The following SCAPER variants were observed in gnomAD, a reference collection of about 807,000 sequenced individuals.
SCAPER encodes S phase cyclin A-associated protein in the endoplasmic reticulum.
Under a neutral mutation model 182.2 loss-of-function variants are expected in SCAPER, and 98 were observed. That is an observed-to-expected ratio of 0.54 (90% CI 0.46 to 0.64). SCAPER has a LOEUF of 0.64. Among genes scored for constraint, SCAPER ranks in the 30% least tolerant of loss-of-function variants. The pLI, the probability that SCAPER is intolerant of heterozygous loss-of-function variation, is 0.00. For synonymous variants in SCAPER, 605 were observed against 564.6 expected, an observed-to-expected ratio of 1.07 and a Z score of -1.01; for missense variants, 1,432 against 1,690.0, an observed-to-expected ratio of 0.85 and a Z score of 2.68.
At chr15:76,860,069 C>T (rs1043021986) in intron 3 of SCAPER, among the ~76,000 whole-genome samples, 1 of 152,098 alleles carries the variant, frequency 6.6e-6, no homozygotes, top group Non-Finnish European at 1.5e-5. Flanking sequence ...TAAAATTGTA[C>T]TGGCCAATTA....
intron 1 of SCAPER, among the ~76,000 whole-genome samples, chr15:76,893,029 G>A (rs969396716): frequency 6.6e-6 from 1 of 152,158 alleles, no homozygotes; most frequent in Non-Finnish European, 1.5e-5. Context: ...CAGGTACATG[G>A]ATAAAGCTGG....
chr15:76,480,035 G>A (rs918848496), intron 24 of SCAPER, among the ~76,000 whole-genome samples: 1 of 152,112 alleles, frequency 6.6e-6, no homozygotes, highest in Non-Finnish European at 1.5e-5. Context: ...AGCCTGATAC[G>A]GATAAATGTA....
At chr15:76,711,808 T>C (rs1437190872) in intron 17 of SCAPER, among the ~76,000 whole-genome samples, 1 of 152,132 alleles carries the variant, frequency 6.6e-6, no homozygotes, top group Admixed American at 6.6e-5. Context: ...TGTAAATTTG[T>C]TTGAGTTCAT....
intron 22 of SCAPER, among the ~76,000 whole-genome samples, chr15:76,596,300 G>A (rs1487276741): frequency 9.7e-6 from 1 of 102,864 alleles, no homozygotes; most frequent in Admixed American, 1.3e-4. Flanking sequence ...TTCTGAAATT[G>A]AGGCAGTAAT....
chr15:76,576,876 C>G (rs1326459244), intron 22 of SCAPER: 2 of 152,164 alleles, frequency 1.3e-5, no homozygotes, highest in African/African-American at 4.8e-5. Flanking sequence ...AGCGGGGAAT[C>G]GCCCATCCTA....
At chr15:76,794,674 C>G (rs928615763) in intron 8 of SCAPER, among the ~76,000 whole-genome samples, 1 of 152,128 alleles carries the variant, frequency 6.6e-6, no homozygotes, top group Non-Finnish European at 1.5e-5. Flanking sequence ...TCATTATTAC[C>G]TATTATCATT....
At chr15:76,566,176 T>G (rs956247967) in intron 23 of SCAPER, among the ~76,000 whole-genome samples, 3 of 152,172 alleles carry the variant, frequency 2.0e-5, no homozygotes, top group African/African-American at 7.2e-5. Context: ...GTCACAACAG[T>G]TGGCAAAAAG....
At chr15:76,585,634 A>G (rs931084919) in intron 22 of SCAPER, among the ~76,000 whole-genome samples, 6 of 152,220 alleles carry the variant, frequency 3.9e-5, no homozygotes, top group Admixed American at 1.3e-4. Flanking sequence ...CACAGAATAC[A>G]AGAGGCTTGT....
At chr15:76,825,836 C>A (rs558890818) in intron 5 of SCAPER, among the ~76,000 whole-genome samples, 1 of 152,310 alleles carries the variant, frequency 6.6e-6, no homozygotes, top group East Asian at 1.9e-4. Flanking sequence ...CCTCTCCCTC[C>A]TGGGTTTAAG....
chr15:76,838,966 G>A (rs1355273444), intron 5 of SCAPER, among the ~76,000 whole-genome samples: 1 of 152,164 alleles, frequency 6.6e-6, no homozygotes, highest in Non-Finnish European at 1.5e-5. Context: ...AACTCCCCCA[G>A]CCCACCCTAG....
In SCAPER at chr15:76,893,684, TAAC is replaced by T. The variant is rs1180747804; in HGVS notation, c.-59-9811_-59-9809del. ...ATATGTTAGGCCACAAAATAAGTCT[TAAC>T]AAATCCAAGAAGATTTAAATGATAT... On this transcript the variant is annotated intron_variant, in intron 1 of 31. Coordinates refer to ENST00000563290, the MANE Select transcript of SCAPER (RefSeq NM_020843.4). Among the ~76,000 whole-genome samples, 4 of 152,192 alleles carry T rather than the reference TAAC, an allele frequency of 2.6e-5. No homozygotes were observed. In the East Asian group the frequency reaches 7.7e-4, roughly 29 times the overall value.
chr15:76,689,051 T>C lies in SCAPER; in HGVS notation c.2508+12707A>G, dbSNP rs112005186. Among the ~76,000 whole-genome samples, 299 of 152,054 alleles carry C rather than the reference T, an allele frequency of 2.0e-3. 3 individuals carry two copies. The highest frequency in any genetic ancestry group is 6.5e-3 in the African/African-American group (270 of 41,456). On this transcript the variant is annotated intron_variant, in intron 20 of 31. Transcript: ENST00000563290. ...TTTTAGTAGAGACAGGGTTTCACCA[T>C]GTTAGCCAGGATGGTCTCGATCTCC...
intron 26 of SCAPER, among the ~76,000 whole-genome samples, chr15:76,408,533 T>A (rs1463904417): frequency 6.6e-6 from 1 of 152,002 alleles, no homozygotes; most frequent in African/African-American, 2.4e-5. Context: ...AGTCAAAGGG[T>A]ATGCATATTT....
intron 15 of SCAPER, among the ~76,000 whole-genome samples, chr15:76,735,217 T>C (rs1274033583): frequency 6.6e-5 from 10 of 151,778 alleles, no homozygotes; most frequent in African/African-American, 1.9e-4. Context: ...GATATAGATA[T>C]ATATATTTAG....
intron 22 of SCAPER, among the ~76,000 whole-genome samples, chr15:76,621,163 A>G (rs1343899252): frequency 6.6e-6 from 1 of 152,166 alleles, no homozygotes; most frequent in East Asian, 1.9e-4. Flanking sequence ...TACTCCCTTC[A>G]ATAGTGTTTC....
At chr15:76,894,624 A>G (rs2152610966) in intron 1 of SCAPER, among the ~76,000 whole-genome samples, 1 of 152,274 alleles carries the variant, frequency 6.6e-6, no homozygotes, top group South Asian at 2.1e-4. Context: ...TGGTTTTTGA[A>G]AAAGATAAAT....
At chr15:76,776,902 T>C (rs1325142424) in intron 8 of SCAPER, among the ~76,000 whole-genome samples, 3 of 152,044 alleles carry the variant, frequency 2.0e-5, no homozygotes, top group Non-Finnish European at 2.9e-5. Flanking sequence ...GAAATACTTT[T>C]CAATACTGAA....
At chr15:76,645,927 T>C (rs1423611003) in intron 21 of SCAPER, among the ~76,000 whole-genome samples, 1 of 152,168 alleles carries the variant, frequency 6.6e-6, no homozygotes, top group Admixed American at 6.6e-5. Context: ...CCTGTAATAT[T>C]TGTTAAAACT....
chr15:76,667,534 C>T (rs1025836915), intron 20 of SCAPER, among the ~76,000 whole-genome samples: 3 of 145,234 alleles, frequency 2.1e-5, no homozygotes, highest in African/African-American at 7.5e-5. Context: ...AATGTCTCCT[C>T]GAATTGCCTG....
Sources: gnomAD v4.1 joint callset for allele counts (sites outside exome capture counted in the v4.1 genomes callset) on GRCh38, gnomAD v4.1.1 for gene constraint, MANE v1.5 for transcripts, NCBI Gene and HGNC (gene_info 2026-07-23, HGNC 2026-07-21) for gene names.